ATP5F1C: variants seen among roughly 807,000 people sequenced by gnomAD.
ATP5F1C encodes the protein ATP synthase F1 subunit gamma.
Under a neutral mutation model 37.4 loss-of-function variants are expected in ATP5F1C, and 22 were observed. That is an observed-to-expected ratio of 0.59 (90% confidence interval 0.42 to 0.84). The LOEUF (loss-of-function observed/expected upper bound fraction) is 0.84. Ranked by LOEUF, ATP5F1C falls within the 40% of genes least tolerant of loss-of-function variation. The pLI is 0.00. For synonymous variants in ATP5F1C, 121 were observed against 128.0 expected, an observed-to-expected ratio of 0.95 and a Z score of 0.37; for missense variants, 286 against 362.4, an observed-to-expected ratio of 0.79 and a Z score of 1.71.
intron 6 of ATP5F1C, among the ~76,000 whole-genome samples, chr10:7,800,503 T>A (rs1322549120): frequency 6.8e-6 from 1 of 147,930 alleles, no homozygotes; most frequent in East Asian, 2.0e-4. Context: ...TTTTTTATTT[T>A]TTATTTTTTG....
intron 1 of ATP5F1C, among the ~76,000 whole-genome samples, chr10:7,790,480 C>G (rs1046033343): frequency 6.6e-6 from 1 of 151,996 alleles, no homozygotes; most frequent in African/African-American, 2.4e-5. Flanking sequence ...TTGGGAAAAA[C>G]ATTTCTATTT....
chr10:7,807,133 G>A (rs1588505837), intron 9 of ATP5F1C, 123 bp downstream of exon 9: 1 of 881,978 alleles, frequency 1.1e-6, no homozygotes, highest in Non-Finnish European at 1.7e-6. Flanking sequence ...CCACTTCACA[G>A]TAGCAGCCAA....
rs773447705 is a variant in ATP5F1C, at chr10:7,798,986, T to A, written c.224-4T>A. On this transcript the variant is annotated splice_polypyrimidine_tract_variant and splice_region_variant and intron_variant, in intron 3 of 9. Coordinates refer to ENST00000356708, the MANE Select transcript of ATP5F1C (RefSeq NM_001001973.3). ...AAAAATTACTGCTTTTGTTTGTTTT[T>A]AAGCTCTGTATGAAAAAGCTGATAT... The A allele has an allele frequency of 5.0e-6, 8 of 1,611,086 alleles. No individual in the cohort carries two copies. Among genetic ancestry groups the A allele is most frequent in the Non-Finnish European group, 6.8e-6 (8 of 1,179,598 alleles).
chr10:7,806,927 G>C, intron 8 of ATP5F1C, 47 bp from the exon 9 acceptor site: 5 of 1,540,542 alleles, frequency 3.2e-6, no homozygotes, highest in Non-Finnish European at 4.5e-6. Context: ...ATTGCTTCTT[G>C]ACCTGCTTGT....
At chr10:7,792,340 A>G (rs1836175961) in intron 1 of ATP5F1C, among the ~76,000 whole-genome samples, 2 of 152,308 alleles carry the variant, frequency 1.3e-5, no homozygotes, top group South Asian at 4.1e-4. Context: ...AGCCATGATC[A>G]CACCACTGCA....
chr10:7,807,775 T>C lies in ATP5F1C; in HGVS notation c.*147T>C. On this transcript the variant is annotated 3_prime_UTR_variant, in exon 10 of 10. Coordinates refer to ENST00000356708, the MANE Select transcript of ATP5F1C (RefSeq NM_001001973.3). Reference sequence around the variant, plus strand: ...AAGACAGCAAGATATTTGTAAATTATCTTAAAATAAACAACTTAAAATAAA... The same window carrying C: ...AAGACAGCAAGATATTTGTAAATTACCTTAAAATAAACAACTTAAAATAAA... The C allele has an allele frequency of 2.5e-6, 3 of 1,204,146 alleles. No homozygotes were observed. The highest frequency in any genetic ancestry group is 2.3e-6 in the Non-Finnish European group (2 of 863,326). The allele number at this position is 1,204,146 out of a possible 1,614,324, so 74.6% of individuals were successfully genotyped here.
intron 6 of ATP5F1C, chr10:7,801,710 A>G (rs1836369732): frequency 6.5e-6 from 1 of 153,312 alleles, no homozygotes; most frequent in South Asian, 2.0e-4. Context: ...ATTTTATGCA[A>G]TATTTTAAAG....
At chr10:7,800,137 AGAGAT>A (rs1203480713) in intron 6 of ATP5F1C, 46 bp downstream of exon 6, 1 of 1,553,024 alleles carries the variant, frequency 6.4e-7, no homozygotes, top group South Asian at 1.1e-5. Context: ...TATAGAATGG[AGAGAT>A]TTGTACACTA....
chr10:7,788,201 G>A lies in ATP5F1C; in HGVS notation c.-7G>A. On this transcript the variant is annotated 5_prime_UTR_variant, in exon 1 of 10. Transcript: ENST00000356708. ...CCTGACCGACCTTCAGCAGGGCTGT[G>A]GCTACCATGTTCTCTCGCGCGGGTG... 1 of 1,613,262 alleles carries A rather than the reference G, an allele frequency of 6.2e-7. No individual in the cohort carries two copies.
intron 2 of ATP5F1C, 124 bp downstream of exon 2, chr10:7,796,279 T>C (rs549191393): frequency 2.0e-5 from 16 of 810,094 alleles, no homozygotes; most frequent in Admixed American, 3.5e-5. Flanking sequence ...CAAATGGATT[T>C]CCATTGTATG....
At chr10:7,792,168 G>A (rs1836174158) in intron 1 of ATP5F1C, among the ~76,000 whole-genome samples, 1 of 152,226 alleles carries the variant, frequency 6.6e-6, no homozygotes, top group Admixed American at 6.5e-5. Flanking sequence ...TGTTGTAGTA[G>A]AACAGTCATG....
intron 8 of ATP5F1C, among the ~76,000 whole-genome samples, chr10:7,803,548 G>A (rs1836412626): frequency 6.6e-6 from 1 of 152,000 alleles, no homozygotes. Context: ...TACATCGGCT[G>A]TTGGTTGAAT....
chr10:7,802,470 A>T (rs771650109), intron 7 of ATP5F1C, 45 bp downstream of exon 7: 1 of 1,574,262 alleles, frequency 6.4e-7, no homozygotes, highest in Non-Finnish European at 8.6e-7. Context: ...GCTTGTGAGC[A>T]CACAGTGAAT....
At chr10:7,798,297 T>TG (rs2131065556) in intron 3 of ATP5F1C, among the ~76,000 whole-genome samples, 1 of 152,038 alleles carries the variant, frequency 6.6e-6, no homozygotes, top group African/African-American at 2.4e-5. Flanking sequence ...AGTGCAATGG[T>TG]GCAATCTCAG....
At chr10:7,799,661 TACC>T in intron 4 of ATP5F1C, 108 bp from the exon 5 acceptor site, 2 of 1,274,606 alleles carry the variant, frequency 1.6e-6, no homozygotes, top group Non-Finnish European at 2.2e-6. Context: ...CCACCACCCA[TACC>T]CCAAAAGACC....
At position 7,797,123 on chromosome 10, in the gene ATP5F1C, T is replaced by C. The variant is rs770622560; in HGVS notation, c.168T>C (p.Tyr56=). Residue 56 remains tyrosine (Y), a synonymous_variant, in exon 3 of 10, where the codon TAT becomes TAC. Coordinates refer to ENST00000356708, the MANE Select transcript of ATP5F1C (RefSeq NM_001001973.3). ...KSMKMVAAAK[Y]ARAERELKPA... is the part of the protein sequence containing the mutation. The stretch of plus-strand genomic sequence containing the variant: ...TGAAAATGGTAGCGGCAGCAAAATA[T>C]GCCCGAGCTGAGAGAGAGCTGAAAC... The C allele has an allele frequency of 6.2e-7, 1 of 1,613,996 alleles. No homozygotes were observed. The highest frequency in any genetic ancestry group is 8.5e-7 in the Non-Finnish European group (1 of 1,180,034).
Position 7,799,047 on chromosome 10 carries a change from T to C in ATP5F1C, c.281T>C (p.Ile94Thr). ...GAAGACAAGAAGAAACACCTCCTTA[T>C]TGGTGTGTCCTCAGATCGAGGACTG... ...GPEDKKKHLL[I>T]GVSSDRGLCG... Residue 94 changes from isoleucine (I) to threonine (T), a missense_variant, in exon 4 of 10, where the codon ATT becomes ACT. Transcript: ENST00000356708. 1 of 1,612,830 alleles carries C rather than the reference T, an allele frequency of 6.2e-7. No homozygotes were observed. The highest frequency in any genetic ancestry group is 8.5e-7 in the Non-Finnish European group (1 of 1,179,856).
At chr10:7,793,833 C>G (rs1437656883) in intron 1 of ATP5F1C, among the ~76,000 whole-genome samples, 1 of 152,150 alleles carries the variant, frequency 6.6e-6, no homozygotes, top group East Asian at 1.9e-4. Context: ...AATATTTTTG[C>G]ATATTAGTGT....
chr10:7,804,121 T>G, intron 8 of ATP5F1C: 1 of 519,018 alleles, frequency 1.9e-6, no homozygotes, highest in Non-Finnish European at 3.8e-6. Context: ...GGCCTGGAGC[T>G]AAGAATGGGT....
Sources: gnomAD v4.1 joint callset for allele counts (sites outside exome capture counted in the v4.1 genomes callset) on GRCh38, gnomAD v4.1.1 for gene constraint, MANE v1.5 for transcripts, NCBI Gene and HGNC (gene_info 2026-07-23, HGNC 2026-07-21) for gene names.